Variants in MSRA observed in about 807,000 individuals in gnomAD.
MSRA encodes the protein mitochondrial peptide methionine sulfoxide reductase.
Under a neutral mutation model 31.3 loss-of-function variants are expected in MSRA, and 54 were observed. That is an observed-to-expected ratio of 1.73 (90% confidence interval 1.39 to 2.17). The LOEUF (loss-of-function observed/expected upper bound fraction) is 2.17, where lower values mean the gene tolerates loss of function less well. Ranked by LOEUF, MSRA falls within the 30% of genes most tolerant of loss-of-function variation. The pLI is 0.00. For synonymous variants in MSRA, 169 were observed against 116.5 expected (o/e 1.45, Z -2.90); for missense variants, 507 against 300.9 (o/e 1.69, Z -5.07).
At chr8:10,139,537 A>G (rs186646743) in intron 1 of MSRA, among the ~76,000 whole-genome samples, 1 of 152,258 alleles carries the variant, frequency 6.6e-6, no homozygotes, top group East Asian at 1.9e-4. Context: ...CACCCTCCCA[A>G]GTCCCCGATA....
chr8:10,362,530 G>T (rs1774741587), intron 5 of MSRA, among the ~76,000 whole-genome samples: 1 of 151,124 alleles, frequency 6.6e-6, no homozygotes, highest in Admixed American at 6.6e-5. Flanking sequence ...GGGCATGGGA[G>T]GGGAGGCCAC....
chr8:10,161,962 C>T (rs546477120), intron 1 of MSRA, among the ~76,000 whole-genome samples: 28 of 152,312 alleles, frequency 1.8e-4, no homozygotes, highest in African/African-American at 2.9e-4. Flanking sequence ...AATACAAGAG[C>T]GCACTGCATG....
At chr8:10,067,674 G>A (rs923518054) in intron 1 of MSRA, among the ~76,000 whole-genome samples, 7 of 152,048 alleles carry the variant, frequency 4.6e-5, no homozygotes, top group African/African-American at 1.7e-4. Flanking sequence ...CATCCTTCCC[G>A]GCAGTTGTTG....
At chr8:10,200,398 C>T (rs1032165476) in intron 1 of MSRA, among the ~76,000 whole-genome samples, 5 of 152,230 alleles carry the variant, frequency 3.3e-5, no homozygotes, top group African/African-American at 1.2e-4. Context: ...AGTGAGCTGC[C>T]TTCCCCTTCA....
intron 5 of MSRA, among the ~76,000 whole-genome samples, chr8:10,400,718 C>G (rs142569066): frequency 7.4e-4 from 113 of 152,228 alleles, no homozygotes; most frequent in Non-Finnish European, 1.3e-3. Context: ...CATCTGTGGT[C>G]AATTGATTTT....
At chr8:10,088,139 C>A (rs1458799124) in intron 1 of MSRA, among the ~76,000 whole-genome samples, 1 of 152,122 alleles carries the variant, frequency 6.6e-6, no homozygotes, top group African/African-American at 2.4e-5. Flanking sequence ...GTTTCTTCTG[C>A]CACTCTCAAG....
chr8:10,399,570 C>T (rs1807314086), intron 5 of MSRA, among the ~76,000 whole-genome samples: 1 of 152,216 alleles, frequency 6.6e-6, no homozygotes, highest in Admixed American at 6.5e-5. Flanking sequence ...TCACCAGAAG[C>T]CGAGCAGATG....
At chr8:10,260,765 G>T (rs1585301880) in intron 3 of MSRA, among the ~76,000 whole-genome samples, 1 of 152,254 alleles carries the variant, frequency 6.6e-6, no homozygotes, top group Admixed American at 6.5e-5. Flanking sequence ...GTGTGTGTGT[G>T]CTTAATGTCT....
At chr8:10,308,586 G>A (rs1801266956) in intron 4 of MSRA, among the ~76,000 whole-genome samples, 1 of 152,240 alleles carries the variant, frequency 6.6e-6, no homozygotes, top group East Asian at 1.9e-4. Context: ...ATGAGATCCG[G>A]ACTCTTTACA....
At chr8:10,380,753 G>A (rs576188304) in intron 5 of MSRA, among the ~76,000 whole-genome samples, 1 of 152,092 alleles carries the variant, frequency 6.6e-6, no homozygotes, top group East Asian at 1.9e-4. Context: ...GAGATGCATG[G>A]ACACATGGAT....
intron 1 of MSRA, among the ~76,000 whole-genome samples, chr8:10,133,895 A>G (rs908764398): frequency 9.2e-5 from 14 of 152,070 alleles, no homozygotes; most frequent in African/African-American, 2.4e-4. Context: ...CAGTGTCACA[A>G]TCTCGGCTCA....
intron 1 of MSRA, among the ~76,000 whole-genome samples, chr8:10,067,865 TCTTA>T (rs1797538031): frequency 6.6e-6 from 1 of 150,956 alleles, no homozygotes; most frequent in Non-Finnish European, 1.5e-5. Flanking sequence ...TGGGTTGTTT[TCTTA>T]CTGAGTTTTT....
intron 4 of MSRA, among the ~76,000 whole-genome samples, chr8:10,311,812 G>A (rs1386890110): frequency 6.6e-6 from 1 of 152,160 alleles, no homozygotes; most frequent in Non-Finnish European, 1.5e-5. Context: ...AGCTACTCAG[G>A]AGTTTGAGGT....
At chr8:10,117,219 T>G (rs1305834783) in intron 1 of MSRA, among the ~76,000 whole-genome samples, 1 of 152,190 alleles carries the variant, frequency 6.6e-6, no homozygotes, top group Non-Finnish European at 1.5e-5. Context: ...TTCCTAGGTT[T>G]GATTTTTGAG....
At chr8:10,205,243 C>T (rs559188327) in intron 1 of MSRA, among the ~76,000 whole-genome samples, 20 of 151,672 alleles carry the variant, frequency 1.3e-4, no homozygotes, top group African/African-American at 2.9e-4. Context: ...AGGCAGATGT[C>T]GGAGTCCGGA....
chr8:10,222,093 A>T (rs13254507), intron 2 of MSRA, among the ~76,000 whole-genome samples: 35,139 of 149,624 alleles, frequency 0.23, 4,618 homozygotes, highest in Admixed American at 0.37. Flanking sequence ...TTTTTTTTTT[A>T]AAGCCACCGT....
intron 1 of MSRA, among the ~76,000 whole-genome samples, chr8:10,119,962 AAG>A (rs1800985942): frequency 6.6e-6 from 1 of 152,214 alleles, no homozygotes. Flanking sequence ...AAGGGGCAAG[AAG>A]AGAGCAATGA....
At chr8:10,347,134 T>A (rs1484237011) in intron 5 of MSRA, among the ~76,000 whole-genome samples, 1 of 152,228 alleles carries the variant, frequency 6.6e-6, no homozygotes, top group African/African-American at 2.4e-5. Context: ...TTTTCCCTTT[T>A]GGTCCAAACA....
intron 5 of MSRA, among the ~76,000 whole-genome samples, chr8:10,365,058 G>C (rs1418469686): frequency 6.7e-6 from 1 of 148,430 alleles, no homozygotes; most frequent in Non-Finnish European, 1.5e-5. Context: ...GCTGAGCTTT[G>C]CCAAACAGAC....
Sources: allele counts gnomAD v4.1 joint callset (sites outside exome capture counted in the v4.1 genomes callset), GRCh38; gene constraint gnomAD v4.1.1; transcripts MANE v1.5; gene names NCBI Gene and HGNC (gene_info 2026-07-23, HGNC 2026-07-21).